CUX1: variants seen among roughly 807,000 people sequenced by gnomAD.
CUX1 encodes protein CASP.
Under a neutral mutation model 158.8 loss-of-function variants are expected in CUX1, and 31 were observed. That is an observed-to-expected ratio of 0.20 (90% CI 0.15 to 0.26). CUX1 has a LOEUF of 0.26. Among genes scored for constraint, CUX1 ranks in the 10% least tolerant of loss-of-function variants. The pLI is 1.00. For missense variants in CUX1, 1,589 were observed against 2,014.6 expected, an observed-to-expected ratio of 0.79 and a Z score of 4.04; for synonymous variants, 879 against 862.1, an observed-to-expected ratio of 1.02 and a Z score of -0.34.
At position 102,239,420 on chromosome 7, in the gene CUX1, G is replaced by GCAC. The variant is rs1491541902; in HGVS notation, c.3726_3728dup (p.His1242dup). On this transcript the variant is annotated inframe_insertion, in exon 23 of 24. Transcript: ENST00000292535. ...GCCAGGGCGCCAGCCCCCAGCCCCA[G>GCAC]CACCAGCTGAAGAAACCCCGGGTGG... 35 of 1,613,770 alleles carry GCAC rather than the reference G, an allele frequency of 2.2e-5. No homozygotes were observed. In the African/African-American group the frequency reaches 4.4e-4, roughly 20 times the overall value.
At chr7:101,825,173 G>A (rs1382273671) in intron 1 of CUX1, among the ~76,000 whole-genome samples, 1 of 152,226 alleles carries the variant, frequency 6.6e-6, no homozygotes, top group Non-Finnish European at 1.5e-5. Context: ...TACGACCAGA[G>A]CTGTTAATCA....
intron 1 of CUX1, among the ~76,000 whole-genome samples, chr7:101,914,567 C>T (rs537283966): frequency 4.6e-5 from 7 of 151,536 alleles, no homozygotes; most frequent in African/African-American, 1.5e-4. Flanking sequence ...GGCGTGATCT[C>T]GGCTCACTGC....
Position 102,170,457 on chromosome 7 carries a change from G to A in CUX1, c.735G>A (p.Val245=), listed in dbSNP as rs377269248. ...TTCATTTCCTTCAGAGGGCAGAGGT[G>A]GCTCAGAGAGAGGCGGAGACCTTAA... is the stretch of plus-strand genomic sequence containing the variant. ...DLERANQRAE[V]AQREAETLRE... Residue 245 remains valine (V), a synonymous_variant, in exon 10 of 24, where the codon GTG becomes GTA. Coordinates refer to ENST00000292535, the MANE Select transcript of CUX1 (RefSeq NM_181552.4). 3.2e-6 allele frequency: 5 copies of A among 1,586,426 alleles called. No individual in the cohort carries two copies. Among genetic ancestry groups the A allele is most frequent in the East Asian group, 2.3e-5 (1 of 43,358 alleles).
chr7:102,050,028 CT>C (rs886741258), intron 3 of CUX1, among the ~76,000 whole-genome samples: 1 of 152,076 alleles, frequency 6.6e-6, no homozygotes, highest in Non-Finnish European at 1.5e-5. Flanking sequence ...GAACACCCCC[CT>C]GATAGGAGCA....
intron 2 of CUX1, chr7:101,961,267 C>T (rs1585102994): frequency 6.6e-6 from 1 of 152,162 alleles, no homozygotes; most frequent in East Asian, 1.9e-4. Context: ...AAATCCTTGG[C>T]TTTCTCTGTA....
rs1379385844 is a variant in CUX1 at position 101,821,680 on chromosome 7, T to TC, written c.30+4011_30+4012insC. 1.1e-3 allele frequency among the ~76,000 whole-genome samples: 121 copies of TC among 106,674 alleles called. 2 individuals are homozygous for TC. The highest frequency in any genetic ancestry group is 3.9e-3 in the African/African-American group (104 of 27,010). 70.0% of individuals were successfully genotyped at this position (106,674 alleles called of 152,430 possible). A position where few individuals can be genotyped will look rare whatever the true frequency, so the allele number is the denominator to read the frequency against. On this transcript the variant is annotated intron_variant, in intron 1 of 23. Transcript: ENST00000292535. Reference sequence around the variant, plus strand: ...TCTTTTTTTCTTTTTTCTTTTTTTTTTTTTTTTTTTTTTTTTTGAGACGTG... The same window carrying TC: ...TCTTTTTTTCTTTTTTCTTTTTTTTTCTTTTTTTTTTTTTTTTTGAGACGTG...
intron 21 of CUX1, among the ~76,000 whole-genome samples, chr7:102,282,409 T>C (rs1554549578): frequency 6.6e-6 from 1 of 152,134 alleles, no homozygotes; most frequent in Non-Finnish European, 1.5e-5. Context: ...TGGGGACTCC[T>C]GTCCCCCGCA....
At chr7:102,154,901 C>T (rs1554504664) in intron 8 of CUX1, among the ~76,000 whole-genome samples, 1 of 152,212 alleles carries the variant, frequency 6.6e-6, no homozygotes, top group Non-Finnish European at 1.5e-5. Flanking sequence ...TCTCTTCACT[C>T]ACCAGCCGGA....
At chr7:101,878,352 A>C (rs993969501) in intron 1 of CUX1, among the ~76,000 whole-genome samples, 1 of 152,194 alleles carries the variant, frequency 6.6e-6, no homozygotes, top group African/African-American at 2.4e-5. Flanking sequence ...GTCCTTTTAG[A>C]GACCAACCTC....
At chr7:101,822,011 C>T (rs1488239806) in intron 1 of CUX1, among the ~76,000 whole-genome samples, 6 of 151,194 alleles carry the variant, frequency 4.0e-5, no homozygotes, top group Admixed American at 2.6e-4. Context: ...CCCGCCACCA[C>T]GCCCGGCTAA....
chr7:102,044,828 G>A (rs1027576890), intron 3 of CUX1, among the ~76,000 whole-genome samples: 1 of 152,102 alleles, frequency 6.6e-6, no homozygotes, highest in African/African-American at 2.4e-5. Flanking sequence ...CCAGACAGGC[G>A]ACTGTGGAGC....
intron 11 of CUX1, chr7:102,188,562 T>G (rs1554515952): frequency 6.6e-6 from 1 of 151,916 alleles, no homozygotes; most frequent in Non-Finnish European, 1.5e-5. Context: ...ATCCCAGCAC[T>G]TTGGGAAGCT....
At chr7:102,128,284 T>G (rs1832862352) in intron 8 of CUX1, among the ~76,000 whole-genome samples, 1 of 152,120 alleles carries the variant, frequency 6.6e-6, no homozygotes, top group Admixed American at 6.6e-5. Context: ...ATGCCTCTAG[T>G]GAAAAGTCAG....
intron 5 of CUX1, among the ~76,000 whole-genome samples, chr7:102,102,748 C>G (rs929940356): frequency 6.6e-6 from 1 of 152,230 alleles, no homozygotes; most frequent in Admixed American, 6.5e-5. Context: ...AGAGGTAGAT[C>G]TGTAGCAGCG....
chr7:102,259,663 G>T (rs568621619), downstream of CUX1, among the ~76,000 whole-genome samples: 68 of 151,180 alleles, frequency 4.5e-4, no homozygotes, highest in Admixed American at 1.3e-3. Flanking sequence ...GTCTAACGTG[G>T]TTAATTTTTC....
Position 102,111,710 on chromosome 7 carries a change from G to C in CUX1, c.543G>C (p.Glu181Asp), listed in dbSNP as rs201993734. 4.0e-5 allele frequency: 65 copies of C among 1,614,080 alleles called. No individual in the cohort carries two copies. Among genetic ancestry groups the C allele is most frequent in the Non-Finnish European group, 5.0e-5 (59 of 1,180,024 alleles). ...DFAEKERKLQ[E>D]TQMSTTSKLE... ...TCTTCCTTTGCAGAAAGCTGCAGGAGACACAGATGTCCACCACCTCAAAGC... is the reference window on the plus strand; with the variant it reads ...TCTTCCTTTGCAGAAAGCTGCAGGACACACAGATGTCCACCACCTCAAAGC... Residue 181 changes from glutamate (E) to aspartate (D), a missense_variant, in exon 7 of 24, where the codon GAG (glutamate) becomes GAC (aspartate). This residue lies in a region of CUX1 where 515 missense variants were observed against 574.4 expected (regional missense o/e 0.90). Transcript: ENST00000292535.
intron 21 of CUX1, among the ~76,000 whole-genome samples, chr7:102,231,091 G>A (rs540993539): frequency 2.8e-5 from 4 of 144,846 alleles, no homozygotes; most frequent in East Asian, 2.0e-4. Context: ...GTGCAGTGGC[G>A]CGATCTCGGC....
intron 10 of CUX1, among the ~76,000 whole-genome samples, chr7:102,175,575 C>T (rs1160451678): frequency 6.6e-6 from 1 of 152,074 alleles, no homozygotes. Context: ...CTCCTGCCAG[C>T]CTCTGCACCT....
chr7:102,168,258 C>T (rs1196224552), intron 9 of CUX1, among the ~76,000 whole-genome samples: 3 of 152,138 alleles, frequency 2.0e-5, no homozygotes, highest in African/African-American at 7.2e-5. Flanking sequence ...ACCCAGGCAC[C>T]ACATGAATTC....
Sources: gnomAD v4.1 joint callset for allele counts (sites outside exome capture counted in the v4.1 genomes callset) on GRCh38, gnomAD v4.1.1 for gene constraint, gnomAD v4.1.1 regional missense constraint, MANE v1.5 for transcripts, NCBI Gene and HGNC (gene_info 2026-07-23, HGNC 2026-07-21) for gene names.